Variants in TBC1D2B observed in about 807,000 individuals in gnomAD.
TBC1D2B encodes the protein TBC1 domain family, member 2B.
A neutral mutation model predicts 100.8 loss-of-function variants in TBC1D2B; 64 were observed. That is an observed-to-expected ratio of 0.64 (90% confidence interval 0.52 to 0.78). The LOEUF (loss-of-function observed/expected upper bound fraction) is 0.78. Among genes scored for constraint, TBC1D2B ranks in the 30% least tolerant of loss-of-function variants. The probability of loss-of-function intolerance (pLI) is 0.00; values close to 1 mark genes in which losing one functional copy is unlikely to be tolerated. For synonymous variants in TBC1D2B, 480 were observed against 479.7 expected, an observed-to-expected ratio of 1.00 and a Z score of -0.01; for missense variants, 1,052 against 1,218.4, an observed-to-expected ratio of 0.86 and a Z score of 2.03.
At chr15:78,017,762 A>T in intron 7 of TBC1D2B, 85 bp downstream of exon 7, 1 of 833,388 alleles carries the variant, frequency 1.2e-6, no homozygotes, top group South Asian at 1.8e-5. Flanking sequence ...CTGGGAGTTG[A>T]ACCGCTTTGT....
At chr15:78,061,212 C>G (rs62011516) in intron 1 of TBC1D2B, among the ~76,000 whole-genome samples, 8,139 of 151,576 alleles carry the variant, frequency 0.054, 278 homozygotes, top group Middle Eastern at 0.13. Context: ...CCATTGCACT[C>G]CAACCTAGGC....
At chr15:78,054,406 G>C (rs993735858) in intron 1 of TBC1D2B, among the ~76,000 whole-genome samples, 23 of 152,244 alleles carry the variant, frequency 1.5e-4, no homozygotes, top group African/African-American at 5.5e-4. Flanking sequence ...TTAACAAGAA[G>C]TCTTTTTAAA....
chr15:78,074,116 C>T (rs574311009), intron 1 of TBC1D2B, among the ~76,000 whole-genome samples: 2 of 149,754 alleles, frequency 1.3e-5, no homozygotes, highest in East Asian at 2.0e-4. Flanking sequence ...CTCCGCCTCC[C>T]GGGTTCATGC....
chr15:78,057,102 A>G (rs1490332930), intron 1 of TBC1D2B, among the ~76,000 whole-genome samples: 1 of 152,192 alleles, frequency 6.6e-6, no homozygotes, highest in Non-Finnish European at 1.5e-5. Context: ...GGCACCATGA[A>G]AAATCTGCTT....
intron 3 of TBC1D2B, among the ~76,000 whole-genome samples, chr15:78,044,082 G>C (rs1358505280): frequency 6.6e-6 from 1 of 151,638 alleles, no homozygotes; most frequent in East Asian, 1.9e-4. Context: ...AGTTGATTAG[G>C]AGTTGCCTAC....
At chr15:78,012,776 A>G in intron 9 of TBC1D2B, 47 bp downstream of exon 9, 3 of 1,405,714 alleles carry the variant, frequency 2.1e-6, no homozygotes, top group East Asian at 5.0e-5. Flanking sequence ...ACCGGTGCCT[A>G]CAAGTTGCCT....
chr15:78,059,472 G>T (rs1008785333), intron 1 of TBC1D2B, among the ~76,000 whole-genome samples: 2 of 152,204 alleles, frequency 1.3e-5, no homozygotes, highest in Non-Finnish European at 2.9e-5. Context: ...AACGTCCTGG[G>T]TGAGGGAGAG....
chr15:78,007,367 C>T (rs1047034029), intron 10 of TBC1D2B, among the ~76,000 whole-genome samples: 5 of 152,136 alleles, frequency 3.3e-5, no homozygotes, highest in South Asian at 4.1e-4. Flanking sequence ...GGAGACAGGC[C>T]GGTGGCCCCA....
intron 12 of TBC1D2B, 153 bp from the exon 13 acceptor site, chr15:77,998,508 G>C (rs1041190440): frequency 3.7e-5 from 23 of 628,384 alleles, no homozygotes; most frequent in Middle Eastern, 4.4e-4. Context: ...CCCACCTTCT[G>C]TAGAGAGGTG....
intron 2 of TBC1D2B, among the ~76,000 whole-genome samples, chr15:78,048,063 A>G (rs985423778): frequency 1.3e-5 from 2 of 152,176 alleles, no homozygotes; most frequent in Non-Finnish European, 2.9e-5. Context: ...TCAAATGCTC[A>G]TGTGGCAAAG....
intron 7 of TBC1D2B, 32 bp from the exon 8 acceptor site, chr15:78,016,771 G>A: frequency 6.8e-7 from 1 of 1,469,320 alleles, no homozygotes; most frequent in African/African-American, 1.4e-5. Flanking sequence ...CCTCCATTCA[G>A]ACAGAGACAC....
intron 1 of TBC1D2B, among the ~76,000 whole-genome samples, chr15:78,058,021 A>G (rs1426288581): frequency 6.6e-6 from 1 of 152,254 alleles, no homozygotes; most frequent in Non-Finnish European, 1.5e-5. Context: ...CTGTACCAAC[A>G]CAGTAGCCCT....
At chr15:78,017,719 T>A in intron 7 of TBC1D2B, 128 bp downstream of exon 7, 1 of 571,202 alleles carries the variant, frequency 1.8e-6, no homozygotes, top group East Asian at 2.9e-5. Flanking sequence ...ATTTTAAATA[T>A]ATTTTGTTAT....
intron 1 of TBC1D2B, among the ~76,000 whole-genome samples, chr15:78,067,008 A>G (rs1596331166): frequency 6.6e-6 from 1 of 152,266 alleles, no homozygotes; most frequent in African/African-American, 2.4e-5. Context: ...GGTTAAAGGT[A>G]CAATTTGAGT....
At chr15:78,001,594 C>A in intron 12 of TBC1D2B, 25 bp downstream of exon 12, 1 of 1,594,802 alleles carries the variant, frequency 6.3e-7, no homozygotes, top group Non-Finnish European at 8.5e-7. Flanking sequence ...CTCTCCTTGA[C>A]ATCTGAGAAC....
Position 77,998,128 on chromosome 15 carries a change from T to C in TBC1D2B, c.*32A>G, listed in dbSNP as rs749044932. The stretch of plus-strand genomic sequence containing the variant: ...TCACCCTTTGGGCACACTTTGGTTG[T>C]GAAGGAAGGAAGAGCAGCATCCCGA... On this transcript the variant is annotated 3_prime_UTR_variant, in exon 13 of 13. Transcript: ENST00000300584. 6.8e-6 allele frequency: 10 copies of C among 1,481,154 alleles called. No individual in the cohort carries two copies. The highest frequency in any genetic ancestry group is 9.0e-6 in the Non-Finnish European group (10 of 1,110,398). The allele number at this position is 1,481,154 out of a possible 1,614,324, so 91.8% of individuals were successfully genotyped here.
At chr15:78,062,904 G>A (rs906279538) in intron 1 of TBC1D2B, among the ~76,000 whole-genome samples, 6 of 152,154 alleles carry the variant, frequency 3.9e-5, no homozygotes, top group African/African-American at 1.4e-4. Context: ...TAACTACCAA[G>A]GTTCAAATCC....
intron 1 of TBC1D2B, among the ~76,000 whole-genome samples, chr15:78,067,084 T>C (rs2073670805): frequency 6.6e-6 from 1 of 152,232 alleles, no homozygotes; most frequent in African/African-American, 2.4e-5. Context: ...GACAGATATA[T>C]AAAGCAAGTA....
Position 78,008,680 on chromosome 15 carries a change from C to G in TBC1D2B, c.2388+317G>C, listed in dbSNP as rs147073535. Among the ~76,000 whole-genome samples the G allele has an allele frequency of 3.8e-3, 586 of 152,338 alleles. 1 individual carries two copies. Among genetic ancestry groups the G allele is most frequent in the Admixed American group, 3.1e-3 (48 of 15,312 alleles). The stretch of plus-strand genomic sequence containing the variant: ...TAACACACCAGTCACCCAAGCACAC[C>G]TGGATTATGACTCAGCCCACTGGTA... On this transcript the variant is annotated intron_variant, in intron 10 of 12. Coordinates refer to ENST00000300584, the MANE Select transcript of TBC1D2B (RefSeq NM_144572.2).
Sources: allele counts gnomAD v4.1 joint callset (sites outside exome capture counted in the v4.1 genomes callset), GRCh38; gene constraint gnomAD v4.1.1; transcripts MANE v1.5; gene names NCBI Gene and HGNC (gene_info 2026-07-23, HGNC 2026-07-21).